The following WASHC2C variants were observed in gnomAD, a reference collection of about 807,000 sequenced individuals.
WASHC2C encodes the protein Vaccinia Penetration Factor.
A neutral mutation model predicts 142.2 loss-of-function variants in WASHC2C; 73 were observed. The ratio of observed to expected loss-of-function variants is 0.51; its 90% CI spans 0.43 to 0.62. The LOEUF is 0.62. WASHC2C is among the 20% of genes least tolerant of loss of function. WASHC2C has a pLI of 0.00. For synonymous variants in WASHC2C, 337 were observed against 565.5 expected, an observed-to-expected ratio of 0.60 and a Z score of 5.73; for missense variants, 969 against 1,531.7, an observed-to-expected ratio of 0.63 and a Z score of 6.13.
At chr10:45,738,119 G>A in intron 4 of WASHC2C, 74 bp downstream of exon 4, 1 of 1,601,412 alleles carries the variant, frequency 6.2e-7, no homozygotes, top group Non-Finnish European at 8.5e-7. Flanking sequence ...TGTTATGTGG[G>A]AACTGGGGGA....
intron 28 of WASHC2C, 64 bp from the exon 29 acceptor site, chr10:45,788,807 G>T: frequency 6.2e-7 from 1 of 1,611,896 alleles, no homozygotes; most frequent in Non-Finnish European, 8.5e-7. Context: ...CTGATTCTTT[G>T]CCATGGTAGC....
At chr10:45,784,252 G>GTA (rs71225139) in intron 23 of WASHC2C, among the ~76,000 whole-genome samples, 4,038 of 39,980 alleles carry the variant, frequency 0.1, 167 homozygotes, top group Non-Finnish European at 0.14. Flanking sequence ...GTGTGTGTGT[G>GTA]TATATATATA....
chr10:45,727,631 C>G (rs968436500), intron 2 of WASHC2C, 92 bp downstream of exon 2: 12 of 1,392,608 alleles, frequency 8.6e-6, no homozygotes, highest in Admixed American at 5.2e-5. Flanking sequence ...CTGCACCTGG[C>G]CCGTCCCGTT....
At chr10:45,771,453 C>T in intron 20 of WASHC2C, 2 of 984,882 alleles carry the variant, frequency 2.0e-6, no homozygotes, top group African/African-American at 1.7e-5. Flanking sequence ...CATGGCTCCA[C>T]CTTCATACCC....
At chr10:45,782,157 C>T (rs1419074232) in intron 23 of WASHC2C, among the ~76,000 whole-genome samples, 3 of 151,226 alleles carry the variant, frequency 2.0e-5, no homozygotes, top group East Asian at 1.9e-4. Context: ...GGCCTGGTTG[C>T]GTGCTCCTAT....
intron 2 of WASHC2C, among the ~76,000 whole-genome samples, chr10:45,728,220 G>T (rs1466038834): frequency 1.1e-4 from 16 of 152,012 alleles, no homozygotes; most frequent in Non-Finnish European, 1.3e-4. Context: ...GTAGAGATGG[G>T]GGTCTTGCTA....
chr10:45,745,562 C>T (rs1453251311), intron 7 of WASHC2C, among the ~76,000 whole-genome samples: 1 of 151,338 alleles, frequency 6.6e-6, no homozygotes, highest in Non-Finnish European at 1.5e-5. Context: ...ACTCTCCCTG[C>T]CCGCCTTTCT....
At position 45,769,612 on chromosome 10, in the gene WASHC2C, A is replaced by G. The variant is rs782809357; in HGVS notation, c.2033A>G (p.Lys678Arg). 3 of 1,611,970 alleles carry G rather than the reference A, an allele frequency of 1.9e-6. No individual in the cohort carries two copies. In the Admixed American group the frequency reaches 5.0e-5, roughly 27 times the overall value. The change falls in exon 20 of 31, where the codon AAG becomes AGG. Residue 678 changes from lysine (K) to arginine (R), a missense_variant. Transcript: ENST00000623400. ...DKEDDLFAIA[K>R]DSQKKTQRVS... is the part of the protein sequence containing the mutation. The stretch of plus-strand genomic sequence containing the variant: ...GAAGATGATCTTTTTGCCATTGCCA[A>G]GGACAGGTGAGATAGTCATTGGAAG...
At chr10:45,738,849 C>T (rs1432833815) in intron 4 of WASHC2C, among the ~76,000 whole-genome samples, 5 of 152,080 alleles carry the variant, frequency 3.3e-5, no homozygotes, top group Non-Finnish European at 5.9e-5. Context: ...GGACTACAGG[C>T]GTGTGCCACC....
chr10:45,790,679 G>A, intron 30 of WASHC2C, 146 bp downstream of exon 30: 2 of 731,040 alleles, frequency 2.7e-6, no homozygotes, highest in Non-Finnish European at 2.5e-6. Context: ...GCTGAAGATA[G>A]GTAAGAGATG....
chr10:45,738,332 G>T (rs1256962302), intron 4 of WASHC2C, among the ~76,000 whole-genome samples: 2 of 150,574 alleles, frequency 1.3e-5, no homozygotes, highest in East Asian at 3.9e-4. Context: ...GGTCACAGAG[G>T]TCATTTTTTT....
rs552600929 is a variant in WASHC2C, at chr10:45,746,761, C to G, written c.732+114C>G. 1,575 of 1,433,132 alleles carry G rather than the reference C, an allele frequency of 1.1e-3. 17 individuals carry two copies. In the Admixed American group the frequency reaches 0.024, roughly 22 times the overall value. 88.8% of individuals were successfully genotyped at this position (1,433,132 alleles called of 1,614,324 possible). A position where few individuals can be genotyped will look rare whatever the true frequency, so the allele number is the denominator to read the frequency against. On this transcript the variant is annotated intron_variant, in intron 8 of 30. Transcript: ENST00000623400. ...CCAAGTGAGGATTTTTTCATGTATA[C>G]AATTTATTTTCCTTTAAGCATTTCA...
rs1195930405 is a variant in WASHC2C, at chr10:45,739,506, T to C, written c.355-567T>C. 2.0e-5 allele frequency among the ~76,000 whole-genome samples: 3 copies of C among 152,018 alleles called. No homozygotes were observed. The East Asian group carries it at 5.8e-4, about 29-fold the overall frequency. On this transcript the variant is annotated intron_variant, in intron 4 of 30. Coordinates refer to ENST00000623400, the MANE Select transcript of WASHC2C (RefSeq NM_001330074.2). Reference sequence around the variant, plus strand: ...TGGTGATATGAACAAACCTTTTTTCTTGAATGGGGCATTGTTGTAGGGTAT... The same window carrying C: ...TGGTGATATGAACAAACCTTTTTTCCTGAATGGGGCATTGTTGTAGGGTAT...
intron 20 of WASHC2C, among the ~76,000 whole-genome samples, chr10:45,772,950 G>C (rs1554885182): frequency 1.3e-5 from 2 of 151,576 alleles, no homozygotes; most frequent in African/African-American, 4.9e-5. Flanking sequence ...AGAATGTTCT[G>C]CTTGGGAAGG....
At chr10:45,780,937 A>G (rs1201836421) in intron 23 of WASHC2C, among the ~76,000 whole-genome samples, 1 of 151,386 alleles carries the variant, frequency 6.6e-6, no homozygotes, top group Non-Finnish European at 1.5e-5. Flanking sequence ...TATTTTTAGT[A>G]GAGACAGGGT....
At chr10:45,782,695 A>G (rs1319790062) in intron 23 of WASHC2C, among the ~76,000 whole-genome samples, 4 of 152,270 alleles carry the variant, frequency 2.6e-5, no homozygotes, top group Admixed American at 2.6e-4. Context: ...TAGCCAAAAG[A>G]TGGAAACAAT....
Position 45,754,468 on chromosome 10 carries a change from C to T in WASHC2C, c.1181-18C>T. The stretch of plus-strand genomic sequence containing the variant: ...TATTTCCCTTGTAAAATGGTTACCC[C>T]TTGCTTTCTCATTCTAGAGTCTTCA... On this transcript the variant is annotated intron_variant, in intron 13 of 30. Coordinates refer to ENST00000623400, the MANE Select transcript of WASHC2C (RefSeq NM_001330074.2). The T allele has an allele frequency of 6.3e-7, 1 of 1,583,126 alleles. No individual in the cohort carries two copies. Among genetic ancestry groups the T allele is most frequent in the Non-Finnish European group, 8.6e-7 (1 of 1,163,504 alleles).
chr10:45,762,855 G>A (rs1392548793), intron 17 of WASHC2C, among the ~76,000 whole-genome samples: 1 of 152,168 alleles, frequency 6.6e-6, no homozygotes, highest in African/African-American at 2.4e-5. Flanking sequence ...TCAGTGAGCC[G>A]AGATTGCACC....
chr10:45,751,618 A>G, intron 11 of WASHC2C, 65 bp downstream of exon 11: 1 of 704,422 alleles, frequency 1.4e-6, no homozygotes, highest in Admixed American at 2.9e-5. Flanking sequence ...TGCTTACATA[A>G]TTCATGAAGT....
Sources: gnomAD v4.1 joint callset for allele counts (sites outside exome capture counted in the v4.1 genomes callset) on GRCh38, gnomAD v4.1.1 for gene constraint, MANE v1.5 for transcripts, NCBI Gene and HGNC (gene_info 2026-07-23, HGNC 2026-07-21) for gene names.